TP63: variants seen among roughly 807,000 people sequenced by gnomAD.
TP63 encodes tumor protein p63.
Under a neutral mutation model 82.8 loss-of-function variants are expected in TP63, and 17 were observed. The observed-to-expected ratio is 0.21, with a 90% confidence interval of 0.14 to 0.31. TP63 has a LOEUF of 0.31. Among genes scored for constraint, TP63 ranks in the 10% least tolerant of loss-of-function variants. TP63 has a pLI of 1.00. For synonymous variants in TP63, 330 were observed against 321.7 expected, an observed-to-expected ratio of 1.03 and a Z score of -0.28; for missense variants, 648 against 895.3, an observed-to-expected ratio of 0.72 and a Z score of 3.52.
intron 3 of TP63, 109 bp from the exon 4 acceptor site, chr3:189,808,163 C>T (rs1171736917): frequency 6.9e-5 from 109 of 1,580,192 alleles, no homozygotes; most frequent in Non-Finnish European, 9.1e-5. Flanking sequence ...GAAGTGCTTC[C>T]GACGTGAGGT....
chr3:189,885,944 A>T (rs1720401437), intron 10 of TP63, among the ~76,000 whole-genome samples: 1 of 152,252 alleles, frequency 6.6e-6, no homozygotes, highest in Non-Finnish European at 1.5e-5. Context: ...CAAATGGAAT[A>T]TACAGAAAGC....
chr3:189,662,860 A>T (rs1714045122), intron 1 of TP63, among the ~76,000 whole-genome samples: 2 of 152,108 alleles, frequency 1.3e-5, no homozygotes, highest in African/African-American at 4.8e-5. Flanking sequence ...CATACCAAAG[A>T]TAAGGAAACT....
chr3:189,886,127 A>G (rs1229707388), intron 10 of TP63, among the ~76,000 whole-genome samples: 1 of 152,204 alleles, frequency 6.6e-6, no homozygotes, highest in African/African-American at 2.4e-5. Context: ...GGAGGCAAGA[A>G]TTTTCTCTTT....
Position 189,896,407 on chromosome 3 carries a change from A to T in TP63, c.*1905A>T, listed in dbSNP as rs1346150103. The T allele has an allele frequency of 3.5e-5, 7 of 199,574 alleles. No homozygotes were observed. Among genetic ancestry groups the T allele is most frequent in the Non-Finnish European group, 6.2e-5 (6 of 96,542 alleles). The allele number at this position is 199,574 out of a possible 1,614,324, so 12.4% of individuals were successfully genotyped here. The stretch of plus-strand genomic sequence containing the variant: ...AGAATACCACATCAAATAAGAAATA[A>T]TGCTACAATTTTAAGAGGGGAGGGA... On this transcript the variant is annotated 3_prime_UTR_variant, in exon 14 of 14. Transcript: ENST00000264731.
intron 11 of TP63, among the ~76,000 whole-genome samples, chr3:189,888,360 A>G (rs996810614): frequency 1.3e-5 from 2 of 152,240 alleles, no homozygotes; most frequent in Admixed American, 1.3e-4. Context: ...TTCTTGTGAC[A>G]TCTTAGAGTC....
At chr3:189,608,156 G>T in the TP63 span, among the ~76,000 whole-genome samples, 3 of 152,134 alleles carry the variant, frequency 2.0e-5, no homozygotes, top group Non-Finnish European at 2.9e-5. Context: ...AAAAAAAGTT[G>T]TGTGTACTGT....
chr3:189,836,136 T>C (rs1713119055), intron 4 of TP63, among the ~76,000 whole-genome samples: 1 of 152,130 alleles, frequency 6.6e-6, no homozygotes, highest in African/African-American at 2.4e-5. Flanking sequence ...TTTGTCCATA[T>C]TCCACATTCA....
chr3:189,867,838 C>G lies in TP63; in HGVS notation c.888C>G (p.Gly296=), dbSNP rs558519605. ...TATTTACCCCTTGTTTTCAGGTTGG[C>G]ACTGAATTCACGACAGTCTTGTACA... ...VLVPYEPPQV[G]TEFTTVLYNF... Residue 296 remains glycine (G), a synonymous_variant, in exon 7 of 14, where the codon GGC becomes GGG. Transcript: ENST00000264731. The G allele has an allele frequency of 1.9e-6, 3 of 1,613,854 alleles. No homozygotes were observed. The East Asian group carries it at 6.7e-5, about 36-fold the overall frequency.
intron 3 of TP63, among the ~76,000 whole-genome samples, chr3:189,793,766 TGATGATTTCC>T (rs1725406488): frequency 6.6e-6 from 1 of 152,082 alleles, no homozygotes; most frequent in African/African-American, 2.4e-5. Context: ...AAAAACAACT[TGATGATTTCC>T]ATAATTTATA....
intron 5 of TP63, among the ~76,000 whole-genome samples, chr3:189,864,648 T>A (rs1717473033): frequency 6.6e-6 from 1 of 150,418 alleles, no homozygotes; most frequent in Admixed American, 6.8e-5. Flanking sequence ...AATTACTAGA[T>A]GACCTGAACT....
chr3:189,730,045 C>G (rs1047060455), intron 1 of TP63, among the ~76,000 whole-genome samples: 1 of 152,126 alleles, frequency 6.6e-6, no homozygotes, highest in African/African-American at 2.4e-5. Context: ...AACCCGAAGA[C>G]TCATTTTGCA....
chr3:189,841,124 G>A (rs1044690389), intron 4 of TP63, among the ~76,000 whole-genome samples: 5 of 152,160 alleles, frequency 3.3e-5, no homozygotes, highest in Admixed American at 2.0e-4. Flanking sequence ...CACCACAAAG[G>A]CACAGGAAGA....
intron 3 of TP63, among the ~76,000 whole-genome samples, chr3:189,800,432 C>A (rs1726165428): frequency 6.9e-6 from 1 of 145,882 alleles, no homozygotes. Flanking sequence ...TATACCCATT[C>A]TAACTAAGAA....
intron 3 of TP63, among the ~76,000 whole-genome samples, chr3:189,786,810 CTTTA>C (rs1350173151): frequency 3.9e-5 from 6 of 152,086 alleles, no homozygotes; most frequent in African/African-American, 1.2e-4. Context: ...CCTTGCATTT[CTTTA>C]TTTATCTGAA....
At chr3:189,832,964 C>A (rs779827823) in intron 4 of TP63, among the ~76,000 whole-genome samples, 1 of 152,120 alleles carries the variant, frequency 6.6e-6, no homozygotes, top group Non-Finnish European at 1.5e-5. Flanking sequence ...CTCATTTTTG[C>A]CTGTCCAAAT....
At chr3:189,858,968 A>G (rs1560267755) in intron 4 of TP63, among the ~76,000 whole-genome samples, 1 of 152,142 alleles carries the variant, frequency 6.6e-6, no homozygotes, top group Non-Finnish European at 1.5e-5. Flanking sequence ...TGAGAAGGGG[A>G]CACGGGGTGA....
intron 4 of TP63, among the ~76,000 whole-genome samples, chr3:189,838,161 T>G (rs537262391): frequency 6.6e-6 from 1 of 152,238 alleles, no homozygotes; most frequent in South Asian, 2.1e-4. Flanking sequence ...TCCTTTTCTC[T>G]TTCTTCCTTC....
At chr3:189,807,340 C>T (rs1044696140) in intron 3 of TP63, among the ~76,000 whole-genome samples, 3 of 152,134 alleles carry the variant, frequency 2.0e-5, no homozygotes, top group Admixed American at 6.5e-5. Flanking sequence ...TCTACCTCTC[C>T]GATAGTAATA....
chr3:189,807,859 T>C (rs1380932698), intron 3 of TP63, among the ~76,000 whole-genome samples: 1 of 152,190 alleles, frequency 6.6e-6, no homozygotes, highest in African/African-American at 2.4e-5. Flanking sequence ...AACATACCTA[T>C]CAAGTGGTCT....
Sources: allele counts gnomAD v4.1 joint callset (sites outside exome capture counted in the v4.1 genomes callset), GRCh38; gene constraint gnomAD v4.1.1; transcripts MANE v1.5; gene names NCBI Gene and HGNC (gene_info 2026-07-23, HGNC 2026-07-21).